Variants in MYT1L observed in about 807,000 individuals in gnomAD.
MYT1L encodes myelin transcription factor 1 like, also known as myelin transcription factor 1-like protein.
Under a neutral mutation model 126.7 loss-of-function variants are expected in MYT1L, and 12 were observed. That is an observed-to-expected ratio of 0.09 (90% confidence interval 0.06 to 0.15). The LOEUF is 0.15. MYT1L is among the 10% of genes least tolerant of loss of function. The pLI is 1.00. For missense variants in MYT1L, 979 were observed against 1,585.2 expected, an observed-to-expected ratio of 0.62 and a Z score of 6.49; for synonymous variants, 541 against 604.2, an observed-to-expected ratio of 0.90 and a Z score of 1.53.
intron 4 of MYT1L, among the ~76,000 whole-genome samples, chr2:2,002,019 T>A (rs1288749552): frequency 6.6e-6 from 1 of 152,190 alleles, no homozygotes; most frequent in Non-Finnish European, 1.5e-5. Context: ...ACATCCTATG[T>A]ATATTATAGA....
At chr2:2,045,673 T>C (rs190626837) in intron 4 of MYT1L, among the ~76,000 whole-genome samples, 64 of 152,164 alleles carry the variant, frequency 4.2e-4, no homozygotes, top group Admixed American at 4.6e-4. Context: ...AGTTGTACTG[T>C]GAATGCATTA....
chr2:2,177,119 T>C (rs1370110559), intron 2 of MYT1L, among the ~76,000 whole-genome samples: 1 of 152,216 alleles, frequency 6.6e-6, no homozygotes, highest in East Asian at 1.9e-4. Flanking sequence ...GCGGGGACGA[T>C]GTCGTCAACA....
intron 21 of MYT1L, chr2:1,828,280 A>G (rs2039645541): frequency 6.6e-6 from 1 of 151,998 alleles, no homozygotes; most frequent in African/African-American, 2.4e-5. Context: ...GGCCTGTTTT[A>G]CTTATGGAAT....
At chr2:2,306,696 A>G (rs748723355) in intron 1 of MYT1L, among the ~76,000 whole-genome samples, 9 of 152,164 alleles carry the variant, frequency 5.9e-5, no homozygotes, top group Non-Finnish European at 1.2e-4. Flanking sequence ...CCCTCAAATG[A>G]TGGTGCTCTG....
intron 5 of MYT1L, among the ~76,000 whole-genome samples, chr2:1,986,945 TCA>T (rs2061078076): frequency 6.6e-6 from 1 of 152,220 alleles, no homozygotes; most frequent in Admixed American, 6.5e-5. Flanking sequence ...TTCCAGAACT[TCA>T]GAGGAAACAT....
chr2:2,121,325 C>T (rs1190652530), intron 3 of MYT1L, among the ~76,000 whole-genome samples: 1 of 150,452 alleles, frequency 6.6e-6, no homozygotes, highest in Non-Finnish European at 1.5e-5. Flanking sequence ...TTACAGGTGT[C>T]CACCATCATG....
At chr2:1,813,900 G>A (rs1293956664) in intron 21 of MYT1L, among the ~76,000 whole-genome samples, 1 of 121,468 alleles carries the variant, frequency 8.2e-6, no homozygotes, top group African/African-American at 3.0e-5. Context: ...GGTAGCGGGC[G>A]CCTGTAGTCC....
intron 2 of MYT1L, among the ~76,000 whole-genome samples, chr2:2,236,707 A>G (rs1049282715): frequency 1.3e-5 from 2 of 150,550 alleles, no homozygotes; most frequent in Admixed American, 1.3e-4. Context: ...GGCACATTCC[A>G]ATATTCCTTC....
At chr2:2,156,549 A>G (rs906445202) in intron 3 of MYT1L, among the ~76,000 whole-genome samples, 5 of 152,244 alleles carry the variant, frequency 3.3e-5, no homozygotes, top group African/African-American at 4.8e-5. Context: ...TCCAGTTTAA[A>G]AATTTAATGT....
At chr2:1,998,237 C>G (rs2062039242) in intron 4 of MYT1L, among the ~76,000 whole-genome samples, 1 of 152,222 alleles carries the variant, frequency 6.6e-6, no homozygotes, top group African/African-American at 2.4e-5. Context: ...GACTAAACCT[C>G]TCTGGGCTGT....
intron 1 of MYT1L, among the ~76,000 whole-genome samples, chr2:2,309,090 C>T (rs2095908930): frequency 6.6e-6 from 1 of 151,902 alleles, no homozygotes; most frequent in Admixed American, 6.6e-5. Flanking sequence ...ACTCCATCTA[C>T]ACTTCAGTGT....
chr2:1,798,515 G>A (rs2034247358), intron 23 of MYT1L, among the ~76,000 whole-genome samples: 1 of 152,186 alleles, frequency 6.6e-6, no homozygotes, highest in African/African-American at 2.4e-5. Flanking sequence ...CTTGGGACAG[G>A]CCTGCAGCCC....
chr2:2,007,373 AG>A (rs150446088), intron 4 of MYT1L, among the ~76,000 whole-genome samples: 12 of 152,340 alleles, frequency 7.9e-5, no homozygotes, highest in African/African-American at 2.9e-4. Context: ...AAAGTATCTG[AG>A]ATGGGTATCA....
chr2:2,114,207 G>A (rs1173217816), intron 3 of MYT1L, among the ~76,000 whole-genome samples: 1 of 152,174 alleles, frequency 6.6e-6, no homozygotes, highest in East Asian at 1.9e-4. Context: ...TTCAAAATGT[G>A]GTGCTATTTC....
intron 21 of MYT1L, among the ~76,000 whole-genome samples, chr2:1,836,915 T>C (rs1439867957): frequency 6.6e-6 from 1 of 152,186 alleles, no homozygotes; most frequent in African/African-American, 2.4e-5. Flanking sequence ...GGGAAGAGGC[T>C]CCCTTTTGGA....
At chr2:1,982,918 T>C (rs77343800) in intron 5 of MYT1L, among the ~76,000 whole-genome samples, 7,155 of 152,316 alleles carry the variant, frequency 0.047, 225 homozygotes, top group Non-Finnish European at 0.068. Context: ...GGGCATTAAA[T>C]AGAAAAACTT....
intron 4 of MYT1L, among the ~76,000 whole-genome samples, chr2:2,022,101 G>T (rs2065096745): frequency 6.6e-6 from 1 of 152,168 alleles, no homozygotes; most frequent in Non-Finnish European, 1.5e-5. Flanking sequence ...TCGGGCAAGT[G>T]GGTGCAGCAC....
rs113112221 is a variant in MYT1L, at chr2:2,081,945, G to A, written c.-303-27822C>T. ...TTTAGTAGAGACAGGGTTTCACCAC[G>A]TTGGTCAGGCTGGTCTCGAACTCCT... On this transcript the variant is annotated intron_variant, in intron 3 of 24. Transcript: ENST00000647738. Among the ~76,000 whole-genome samples the A allele has an allele frequency of 8.6e-3, 1,310 of 152,166 alleles. 20 individuals carry two copies. Among genetic ancestry groups the A allele is most frequent in the African/African-American group, 0.026 (1,092 of 41,512 alleles).
chr2:1,936,773 G>A (rs2055945144), intron 9 of MYT1L, among the ~76,000 whole-genome samples: 1 of 152,146 alleles, frequency 6.6e-6, no homozygotes, highest in Non-Finnish European at 1.5e-5. Flanking sequence ...GTGTCCTGCA[G>A]GGAAGCTGGG....
Sources: allele counts gnomAD v4.1 joint callset (sites outside exome capture counted in the v4.1 genomes callset), GRCh38; gene constraint gnomAD v4.1.1; transcripts MANE v1.5; gene names NCBI Gene and HGNC (gene_info 2026-07-23, HGNC 2026-07-21).